The following PTPN5 variants were observed in gnomAD, a reference collection of about 807,000 sequenced individuals.
PTPN5 encodes the protein tyrosine-protein phosphatase non-receptor type 5.
Under a neutral mutation model 73.9 loss-of-function variants are expected in PTPN5, and 29 were observed. The observed-to-expected ratio is 0.39, with a 90% confidence interval of 0.29 to 0.54. The LOEUF (loss-of-function observed/expected upper bound fraction) is 0.54. PTPN5 is among the 20% of genes least tolerant of loss of function. The pLI is 0.65. For synonymous variants in PTPN5, 267 were observed against 304.7 expected, an observed-to-expected ratio of 0.88 and a Z score of 1.29; for missense variants, 652 against 751.4, an observed-to-expected ratio of 0.87 and a Z score of 1.55.
At chr11:18,769,004 C>G (rs1347782620) in intron 2 of PTPN5, among the ~76,000 whole-genome samples, 1 of 152,188 alleles carries the variant, frequency 6.6e-6, no homozygotes, top group Non-Finnish European at 1.5e-5. Flanking sequence ...ACTTGCTGGG[C>G]TGCCCCCACC....
rs550537453 is a variant in PTPN5, at chr11:18,746,192, T to TATATATATATATATATATATATATAC, written c.98-1994_98-1993insGTATATATATATATATATATATATAT. Among the ~76,000 whole-genome samples, 9 of 102,826 alleles carry TATATATATATATATATATATATATAC rather than the reference T, an allele frequency of 8.8e-5. 1 individual carries two copies. The highest frequency in any genetic ancestry group is 1.0e-4 in the Non-Finnish European group (5 of 48,516). The allele number at this position is 102,826 out of a possible 152,430, so 67.5% of individuals were successfully genotyped here. ...ATATATATATATATATATATATATA[T>TATATATATATATATATATATATATAC]ACATTTTTTTTTTTTTTGAGATGGA... On this transcript the variant is annotated intron_variant, in intron 3 of 14. Coordinates refer to ENST00000358540, the MANE Select transcript of PTPN5 (RefSeq NM_006906.2).
intron 4 of PTPN5, 84 bp downstream of exon 4, chr11:18,743,922 G>A (rs1214280627): frequency 6.1e-6 from 9 of 1,469,162 alleles, no homozygotes; most frequent in Non-Finnish European, 7.2e-6. Flanking sequence ...CTGCCTTCCA[G>A]GTGGCCATCC....
At position 18,740,705 on chromosome 11, in the gene PTPN5, C is replaced by A; in HGVS notation, c.813G>T (p.Glu271Asp). The change falls in exon 8 of 15, where the codon GAG (glutamate) becomes GAT (aspartate). Residue 271 changes from glutamate to aspartate, a missense_variant. Glu to Asp is a conservative substitution (Grantham distance 45, BLOSUM62 2). Around this residue, in one of 3 missense-constraint regions of PTPN5, gnomAD observed 529 missense variants for 573.9 expected, o/e 0.92. Transcript: ENST00000358540. Reference sequence around the variant, plus strand: ...TGAGCAGGTACTCGCGGGCGGACTCCTCACGTGGGGACATGAGATAGCCAA... The same window carrying A: ...TGAGCAGGTACTCGCGGGCGGACTCATCACGTGGGGACATGAGATAGCCAA... ...EGFGYLMSPR[E>D]ESAREYLLSA... The A allele has an allele frequency of 1.2e-6, 2 of 1,608,358 alleles. No individual in the cohort carries two copies. Among genetic ancestry groups the A allele is most frequent in the Non-Finnish European group, 1.7e-6 (2 of 1,176,984 alleles).
chr11:18,777,723 A>T lies in PTPN5; in HGVS notation c.-113-5652T>A, dbSNP rs534443464. On this transcript the variant is annotated intron_variant, in intron 1 of 14. Transcript: ENST00000358540. ...CATTTTAGGAGGCCAAGGCAAGAGG[A>T]TCACTTGGGGCCATGAGTTCGAGAC... Among the ~76,000 whole-genome samples the T allele has an allele frequency of 1.6e-4, 24 of 152,308 alleles. No individual in the cohort carries two copies. The South Asian group carries it at 4.6e-3, about 29-fold the overall frequency.
chr11:18,751,721 C>A (rs1849896665), intron 3 of PTPN5, among the ~76,000 whole-genome samples: 1 of 152,220 alleles, frequency 6.6e-6, no homozygotes, highest in Non-Finnish European at 1.5e-5. Context: ...AGATTCTGGA[C>A]TAAAACATGG....
chr11:18,730,164 A>C, intron 12 of PTPN5: 1 of 469,950 alleles, frequency 2.1e-6, no homozygotes, highest in Non-Finnish European at 3.7e-6. Flanking sequence ...TCCCTTTGTC[A>C]CATAACCCAG....
Position 18,742,930 on chromosome 11 carries a change from G to T in PTPN5, c.483+62C>A. The T allele has an allele frequency of 9.0e-7, 1 of 1,113,836 alleles. No homozygotes were observed. The highest frequency in any genetic ancestry group is 1.3e-5 in the South Asian group (1 of 74,866). The allele number at this position is 1,113,836 out of a possible 1,614,324, so 69.0% of individuals were successfully genotyped here. ...CCTATAAGTCAGATGGGAGCTGGTA[G>T]AAATCCAGGCCTCAAGGTCAGAGGA... On this transcript the variant is annotated intron_variant, in intron 6 of 14. Transcript: ENST00000358540. The surrounding 1 kb of genome is among the most constrained non-coding windows in gnomAD (Gnocchi z 4.1).
chr11:18,736,815 A>G (rs1849133473), intron 9 of PTPN5, among the ~76,000 whole-genome samples: 1 of 152,200 alleles, frequency 6.6e-6, no homozygotes, highest in Admixed American at 6.5e-5. Context: ...CTGAGCAGCC[A>G]GCAAAGTCCA....
intron 3 of PTPN5, among the ~76,000 whole-genome samples, chr11:18,755,458 G>A (rs377331390): frequency 4.0e-4 from 61 of 152,242 alleles, no homozygotes; most frequent in African/African-American, 1.3e-3. Flanking sequence ...TAATGCAAGC[G>A]GTTTTATCCC....
intron 1 of PTPN5, among the ~76,000 whole-genome samples, chr11:18,788,234 A>ATT (rs1564938022): frequency 6.6e-6 from 1 of 152,030 alleles, no homozygotes; most frequent in Non-Finnish European, 1.5e-5. Context: ...CATTGTCATC[A>ATT]TTTCCTACCT....
chr11:18,737,619 T>C (rs1462787503), intron 9 of PTPN5, among the ~76,000 whole-genome samples: 1 of 152,220 alleles, frequency 6.6e-6, no homozygotes, highest in Non-Finnish European at 1.5e-5. Flanking sequence ...ATTACCACCC[T>C]TTCTCTTTGG....
intron 1 of PTPN5, among the ~76,000 whole-genome samples, chr11:18,782,814 T>A (rs1438229409): frequency 2.0e-5 from 3 of 152,168 alleles, no homozygotes; most frequent in African/African-American, 7.2e-5. Context: ...TTATAATGAC[T>A]GAAGGGTGCT....
intron 9 of PTPN5, among the ~76,000 whole-genome samples, chr11:18,734,277 C>T (rs1379537755): frequency 6.6e-6 from 1 of 152,164 alleles, no homozygotes; most frequent in Admixed American, 6.5e-5. Flanking sequence ...GGGTCTCAGC[C>T]TCATGTCCAC....
At position 18,764,391 on chromosome 11, in the gene PTPN5, T is replaced by C. The variant is rs1438257090; in HGVS notation, c.97+1416A>G. Among the ~76,000 whole-genome samples, 7 of 152,358 alleles carry C rather than the reference T, an allele frequency of 4.6e-5. No homozygotes were observed. The South Asian group carries it at 1.2e-3, about 27-fold the overall frequency. Reference sequence around the variant, plus strand: ...CACATCTTTTCAGAGAATTCTCTTCTAGACAGACGGTCCCATCTTAGACCG... The same window carrying C: ...CACATCTTTTCAGAGAATTCTCTTCCAGACAGACGGTCCCATCTTAGACCG... On this transcript the variant is annotated intron_variant, in intron 3 of 14. Transcript: ENST00000358540.
At chr11:18,778,148 A>G (rs1851257922) in intron 1 of PTPN5, among the ~76,000 whole-genome samples, 1 of 152,194 alleles carries the variant, frequency 6.6e-6, no homozygotes, top group Admixed American at 6.5e-5. Flanking sequence ...GTTTTGCTCA[A>G]TCTGTGCCTC....
At chr11:18,773,554 T>C (rs554094556) in intron 1 of PTPN5, among the ~76,000 whole-genome samples, 36 of 152,220 alleles carry the variant, frequency 2.4e-4, no homozygotes, top group African/African-American at 8.7e-4. Context: ...CTATAATCAG[T>C]GTGGTTTCCT....
rs774528335 is a variant in PTPN5, at chr11:18,781,323, C to CATTTTTTTTT, written c.-113-9253_-113-9252insAAAAAAAAAT. Among the ~76,000 whole-genome samples the CATTTTTTTTT allele has an allele frequency of 2.9e-3, 336 of 114,430 alleles. 4 individuals are homozygous for CATTTTTTTTT. The highest frequency in any genetic ancestry group is 4.3e-3 in the Non-Finnish European group (250 of 58,206). 75.1% of individuals were successfully genotyped at this position (114,430 alleles called of 152,430 possible). A position where few individuals can be genotyped will look rare whatever the true frequency, so the allele number is the denominator to read the frequency against. ...AGATCAGACTGTCTTTTTTTGACCA[C>CATTTTTTTTT]TTTTTTTTTTTTTTGAGATGGAGTC... On this transcript the variant is annotated intron_variant, in intron 1 of 14. Transcript: ENST00000358540.
rs1295438360 is a variant in PTPN5, at chr11:18,729,990, C to T, written c.1330-172G>A. ...TTGCCCAGTGGCACCAGACACAGAC[C>T]CAAAGCCAGCTTGGTTTTGGGGGTT... On this transcript the variant is annotated intron_variant, in intron 12 of 14. Transcript: ENST00000358540. The surrounding 1 kb of genome is among the most constrained non-coding windows in gnomAD (Gnocchi z 5.2). The T allele has an allele frequency of 1.6e-5, 13 of 827,850 alleles. No homozygotes were observed. The highest frequency in any genetic ancestry group is 6.7e-5 in the South Asian group (4 of 59,290). The allele number at this position is 827,850 out of a possible 1,614,324, so 51.3% of individuals were successfully genotyped here.
rs1198703155 is a variant in PTPN5, at chr11:18,744,174, CT to C, written c.122del (p.Glu41GlyfsTer84). 1 of 1,578,982 alleles carries C rather than the reference CT, an allele frequency of 6.3e-7. No individual in the cohort carries two copies. Among genetic ancestry groups the C allele is most frequent in the Non-Finnish European group, 8.6e-7 (1 of 1,165,386 alleles). Reference protein sequence around the residue: ...LPGLPQPIVMEALDEAEGLQD... With the variant: ...LPGLPQPIVMXALDEAEGLQD... ...GGAGCCCTTCAGCCTCGTCCAGTGC[CT>C]CCATCACTATCGGCTGGGGGAGACC... is the stretch of plus-strand genomic sequence containing the variant. On this transcript the variant is annotated frameshift_variant, in exon 4 of 15. Coordinates refer to ENST00000358540, the MANE Select transcript of PTPN5 (RefSeq NM_006906.2). LOFTEE classifies it high-confidence loss of function.
Sources: allele counts gnomAD v4.1 joint callset (sites outside exome capture counted in the v4.1 genomes callset), GRCh38; gene constraint gnomAD v4.1.1; regional missense constraint gnomAD v4.1.1; non-coding constraint Gnocchi (gnomAD v3.1); transcripts MANE v1.5; gene names NCBI Gene and HGNC (gene_info 2026-07-23, HGNC 2026-07-21).